PPARG: variants seen among roughly 807,000 people sequenced by gnomAD.
The protein encoded by PPARG is peroxisome proliferator-activated receptor gamma.
In PPARG, 17 loss-of-function variants were observed where a neutral mutation model predicts 39.2. The observed-to-expected ratio is 0.43, with a 90% CI of 0.30 to 0.65. The LOEUF (loss-of-function observed/expected upper bound fraction) is 0.65, where lower values mean the gene tolerates loss of function less well. PPARG is among the 30% of genes least tolerant of loss of function. The pLI, the probability that PPARG is intolerant of heterozygous loss-of-function variation, is 0.13. For missense variants in PPARG, 406 were observed against 585.9 expected (o/e 0.69, Z 3.17); for synonymous variants, 223 against 215.7 (o/e 1.03, Z -0.30).
chr3:12,408,575 T>C (rs1160847960), intron 6 of PPARG, among the ~76,000 whole-genome samples: 1 of 148,804 alleles, frequency 6.7e-6, no homozygotes, highest in African/African-American at 2.5e-5. Context: ...TTCTTTTTTT[T>C]TTTTTTTTTT....
At chr3:12,315,865 A>G (rs554627453) in intron 2 of PPARG, among the ~76,000 whole-genome samples, 2 of 152,338 alleles carry the variant, frequency 1.3e-5, no homozygotes, top group Non-Finnish European at 2.9e-5. Flanking sequence ...TGTTCACACC[A>G]GAACTGTCAA....
At chr3:12,404,716 A>C (rs1407820915) in intron 5 of PPARG, among the ~76,000 whole-genome samples, 1 of 152,224 alleles carries the variant, frequency 6.6e-6, no homozygotes, top group African/African-American at 2.4e-5. Context: ...AGGCAGGAGA[A>C]TCGCTTGAAC....
intron 1 of PPARG, chr3:12,305,937 A>G (rs1024005212): frequency 1.3e-5 from 2 of 152,254 alleles, no homozygotes; most frequent in African/African-American, 2.4e-5. Context: ...TCAAGCACCA[A>G]ATAAGTCATC....
chr3:12,396,596 A>C (rs1057507449), intron 5 of PPARG, among the ~76,000 whole-genome samples: 5 of 152,008 alleles, frequency 3.3e-5, no homozygotes, highest in African/African-American at 1.2e-4. Flanking sequence ...ATATCTACTA[A>C]AACTACAAAA....
chr3:12,411,800 T>G (rs1484500782), intron 6 of PPARG, among the ~76,000 whole-genome samples: 2 of 148,992 alleles, frequency 1.3e-5, no homozygotes, highest in African/African-American at 4.9e-5. Context: ...AACGAGAGGC[T>G]GAGGAAACCA....
intron 2 of PPARG, among the ~76,000 whole-genome samples, chr3:12,326,059 C>T (rs1386679104): frequency 1.3e-5 from 2 of 152,078 alleles, no homozygotes; most frequent in Non-Finnish European, 2.9e-5. Context: ...CACAAGAAGT[C>T]ATCCCAAATT....
chr3:12,342,262 A>G (rs1219720852), intron 2 of PPARG, among the ~76,000 whole-genome samples: 1 of 152,200 alleles, frequency 6.6e-6, no homozygotes, highest in Admixed American at 6.5e-5. Flanking sequence ...AGACAAATTC[A>G]GAGGTTGAGA....
chr3:12,406,151 A>G (rs2050658516), intron 6 of PPARG, 70 bp downstream of exon 6: 1 of 1,429,232 alleles, frequency 7.0e-7, no homozygotes. Context: ...TCTTTGAGTA[A>G]ATGGTTTACT....
At chr3:12,303,284 C>A (rs528883372) in intron 1 of PPARG, among the ~76,000 whole-genome samples, 1 of 152,160 alleles carries the variant, frequency 6.6e-6, no homozygotes, top group South Asian at 2.1e-4. Flanking sequence ...GAAACCTCCG[C>A]TTCCTGGGTT....
At chr3:12,346,239 C>T (rs2048322218) in intron 2 of PPARG, among the ~76,000 whole-genome samples, 1 of 152,172 alleles carries the variant, frequency 6.6e-6, no homozygotes, top group South Asian at 2.1e-4. Flanking sequence ...TCATCAGACA[C>T]TATTTTTTCA....
At chr3:12,288,201 G>A (rs1027424640), upstream of PPARG, among the ~76,000 whole-genome samples, 2 of 151,898 alleles carry the variant, frequency 1.3e-5, no homozygotes, top group Non-Finnish European at 2.9e-5. Flanking sequence ...GAGGGGTCCG[G>A]GGCTGAGGCA....
chr3:12,292,989 A>G (rs2046686391), intron 1 of PPARG, among the ~76,000 whole-genome samples: 1 of 152,228 alleles, frequency 6.6e-6, no homozygotes, highest in Non-Finnish European at 1.5e-5. Flanking sequence ...TGGTGCGTGT[A>G]GGTGGGCTGA....
intron 2 of PPARG, among the ~76,000 whole-genome samples, chr3:12,320,891 GAGA>G (rs1026693697): frequency 2.0e-5 from 3 of 152,066 alleles, no homozygotes; most frequent in Non-Finnish European, 4.4e-5. Flanking sequence ...AAAAAGAAAA[GAGA>G]AGAGAAGACT....
intron 2 of PPARG, among the ~76,000 whole-genome samples, chr3:12,322,627 A>T (rs1052143824): frequency 1.3e-5 from 2 of 152,212 alleles, no homozygotes; most frequent in African/African-American, 4.8e-5. Context: ...AATTTTAAAC[A>T]TGAGGAGCTT....
intron 5 of PPARG, among the ~76,000 whole-genome samples, chr3:12,398,766 CTATTG>C (rs2050358588): frequency 6.6e-6 from 1 of 152,178 alleles, no homozygotes; most frequent in Admixed American, 6.5e-5. Context: ...GAGCTCAAGT[CTATTG>C]AGAACTTAGA....
At chr3:12,417,271 G>C (rs1402939396) in intron 7 of PPARG, 117 bp downstream of exon 7, 2 of 1,045,286 alleles carry the variant, frequency 1.9e-6, no homozygotes, top group Non-Finnish European at 2.9e-6. Context: ...CCAGTGGCAT[G>C]ATGCCATGAA....
At chr3:12,409,835 C>G (rs777276592) in intron 6 of PPARG, among the ~76,000 whole-genome samples, 3 of 152,176 alleles carry the variant, frequency 2.0e-5, no homozygotes, top group Non-Finnish European at 4.4e-5. Flanking sequence ...TTGTAGAATG[C>G]GCCCTGCCCG....
rs545210244 is a variant in PPARG, at chr3:12,296,254, C to CAAAAAA, written c.-83+7140_-83+7145dup. Among the ~76,000 whole-genome samples the CAAAAAA allele has an allele frequency of 6.2e-3, 302 of 48,596 alleles. 12 individuals carry two copies. Among genetic ancestry groups the CAAAAAA allele is most frequent in the South Asian group, 9.0e-3 (8 of 884 alleles). 31.9% of individuals were successfully genotyped at this position (48,596 alleles called of 152,430 possible). A position where few individuals can be genotyped will look rare whatever the true frequency, so the allele number is the denominator to read the frequency against. ...TGGGCAACAGAGCAACACTTTGTCTCAAAAAAAAAAAAAAAAAAAAAAAAA... is the reference window on the plus strand; with the variant it reads ...TGGGCAACAGAGCAACACTTTGTCTCAAAAAAAAAAAAAAAAAAAAAAAAAAAAAAA... On this transcript the variant is annotated intron_variant, in intron 1 of 7. Coordinates refer to ENST00000651735, the MANE Select transcript of PPARG (RefSeq NM_138711.6).
At chr3:12,404,619 C>T (rs552745293) in intron 5 of PPARG, among the ~76,000 whole-genome samples, 9 of 152,206 alleles carry the variant, frequency 5.9e-5, no homozygotes, top group East Asian at 1.9e-4. Flanking sequence ...ACCTGGACAA[C>T]GTGGTAAAAC....
Sources: allele counts gnomAD v4.1 joint callset (sites outside exome capture counted in the v4.1 genomes callset), GRCh38; gene constraint gnomAD v4.1.1; transcripts MANE v1.5; gene names NCBI Gene and HGNC (gene_info 2026-07-23, HGNC 2026-07-21).